GRIA1: variants seen among roughly 807,000 people sequenced by gnomAD.
GRIA1 encodes the protein glutamate receptor 1.
GRIA1 carries 31 observed loss-of-function variants against 99.2 expected under a neutral mutation model. The observed-to-expected ratio is 0.31, with a 90% CI of 0.23 to 0.42. The LOEUF (loss-of-function observed/expected upper bound fraction) is 0.42, where lower values mean the gene tolerates loss of function less well. Ranked by LOEUF, GRIA1 falls within the 10% of genes least tolerant of loss-of-function variation. The pLI, the probability that GRIA1 is intolerant of heterozygous loss-of-function variation, is 1.00. For missense variants in GRIA1, 782 were observed against 1,157.5 expected, an observed-to-expected ratio of 0.68 and a Z score of 4.71; for synonymous variants, 438 against 432.4, an observed-to-expected ratio of 1.01 and a Z score of -0.16.
At chr5:153,543,580 G>C (rs1470174098) in intron 2 of GRIA1, among the ~76,000 whole-genome samples, 1 of 152,118 alleles carries the variant, frequency 6.6e-6, no homozygotes, top group Non-Finnish European at 1.5e-5. Flanking sequence ...CTTGAATGAG[G>C]AAGGAAAGAA....
At chr5:153,802,327 C>T (rs538552131) in intron 14 of GRIA1, 29 bp from the exon 15 acceptor site, 117 of 1,611,396 alleles carry the variant, frequency 7.3e-5, no homozygotes, top group Non-Finnish European at 9.8e-5. Context: ...TCTTCCCCCT[C>T]CCCTTCCTTT....
At position 153,790,510 on chromosome 5, in the gene GRIA1, C is replaced by A. The variant is rs149316158; in HGVS notation, c.2271-4111C>A. 1.0e-3 allele frequency among the ~76,000 whole-genome samples: 152 copies of A among 152,192 alleles called. 4 individuals are homozygous for A. The East Asian group carries it at 0.027, about 27-fold the overall frequency. On this transcript the variant is annotated intron_variant, in intron 13 of 15. Transcript: ENST00000285900. ...CTGAAAGACATTGATTTTTCTAGAA[C>A]AGCACCTTCCAAACACCAGTCTGTG...
chr5:153,663,984 T>A (rs1755562238), intron 5 of GRIA1, among the ~76,000 whole-genome samples: 1 of 152,164 alleles, frequency 6.6e-6, no homozygotes, highest in African/African-American at 2.4e-5. Context: ...TGTAAGACAG[T>A]GACTATGATT....
chr5:153,716,550 G>A (rs1759679391), intron 11 of GRIA1, among the ~76,000 whole-genome samples: 1 of 152,114 alleles, frequency 6.6e-6, no homozygotes, highest in South Asian at 2.1e-4. Flanking sequence ...AGGGAGCAGA[G>A]GCGAGCACCC....
intron 1 of GRIA1, chr5:153,491,351 T>C: frequency 9.2e-7 from 1 of 1,084,274 alleles, no homozygotes; most frequent in South Asian, 3.5e-5. Context: ...GTATGGTGTG[T>C]GTGTTTTCAC....
chr5:153,603,003 C>T (rs147420006), intron 2 of GRIA1, among the ~76,000 whole-genome samples: 79 of 152,162 alleles, frequency 5.2e-4, no homozygotes, highest in African/African-American at 1.9e-3. Context: ...GGAAGATGAA[C>T]AGTATATAAC....
At chr5:153,626,122 C>A (rs1416918690) in intron 2 of GRIA1, among the ~76,000 whole-genome samples, 1 of 152,014 alleles carries the variant, frequency 6.6e-6, no homozygotes, top group Non-Finnish European at 1.5e-5. Flanking sequence ...CTCTGAAATG[C>A]GAATGAAAAA....
intron 2 of GRIA1, among the ~76,000 whole-genome samples, chr5:153,588,316 T>C (rs1176554911): frequency 6.6e-6 from 1 of 152,196 alleles, no homozygotes; most frequent in Non-Finnish European, 1.5e-5. Context: ...AGCACTGGGT[T>C]TGTGTGTATG....
chr5:153,763,064 A>AT (rs1197385976), intron 11 of GRIA1, among the ~76,000 whole-genome samples: 2 of 152,164 alleles, frequency 1.3e-5, no homozygotes, highest in Non-Finnish European at 1.5e-5. Context: ...CCTCTCTTTT[A>AT]TTTTCCCCTC....
At chr5:153,510,397 T>A (rs1755948496) in intron 2 of GRIA1, among the ~76,000 whole-genome samples, 1 of 152,196 alleles carries the variant, frequency 6.6e-6, no homozygotes, top group African/African-American at 2.4e-5. Flanking sequence ...GTGAGATGAC[T>A]TTGTTGATCC....
chr5:153,696,184 G>A (rs1399727798), intron 8 of GRIA1, among the ~76,000 whole-genome samples: 5 of 152,142 alleles, frequency 3.3e-5, no homozygotes, highest in South Asian at 2.1e-4. Context: ...CACTTTCCAC[G>A]TCTCGCTTTC....
At chr5:153,662,346 A>T (rs1755432265) in intron 5 of GRIA1, among the ~76,000 whole-genome samples, 1 of 152,198 alleles carries the variant, frequency 6.6e-6, no homozygotes, top group Non-Finnish European at 1.5e-5. Context: ...AAGCAACCTG[A>T]CCTTTTCTTC....
intron 11 of GRIA1, among the ~76,000 whole-genome samples, chr5:153,728,052 A>G (rs1456754147): frequency 1.3e-5 from 2 of 151,572 alleles, no homozygotes; most frequent in East Asian, 3.9e-4. Flanking sequence ...CCAATGGAAC[A>G]GAACAGAGCC....
intron 2 of GRIA1, among the ~76,000 whole-genome samples, chr5:153,546,779 T>C (rs771892729): frequency 6.6e-6 from 1 of 152,190 alleles, no homozygotes; most frequent in Non-Finnish European, 1.5e-5. Context: ...GTGGGTATGT[T>C]AATGTGAAGA....
chr5:153,625,751 T>C (rs1301997787), intron 2 of GRIA1, among the ~76,000 whole-genome samples: 1 of 152,236 alleles, frequency 6.6e-6, no homozygotes, highest in East Asian at 1.9e-4. Flanking sequence ...GAAGTTTCTA[T>C]AGCAACATTT....
intron 5 of GRIA1, among the ~76,000 whole-genome samples, chr5:153,668,734 A>G (rs1755930848): frequency 6.6e-6 from 1 of 152,218 alleles, no homozygotes; most frequent in African/African-American, 2.4e-5. Flanking sequence ...GGAAGCATCT[A>G]AAGACCCTTA....
At chr5:153,586,230 A>G (rs1156330768) in intron 2 of GRIA1, among the ~76,000 whole-genome samples, 1 of 152,160 alleles carries the variant, frequency 6.6e-6, no homozygotes, top group Non-Finnish European at 1.5e-5. Context: ...GAGGAACCTT[A>G]TTTGTTCTGG....
chr5:153,577,667 T>A (rs577840946), intron 2 of GRIA1, among the ~76,000 whole-genome samples: 1 of 152,134 alleles, frequency 6.6e-6, no homozygotes, highest in Non-Finnish European at 1.5e-5. Flanking sequence ...AGACCCAAGT[T>A]CAAAACTTAT....
At chr5:153,527,348 A>G (rs1757695576) in intron 2 of GRIA1, among the ~76,000 whole-genome samples, 1 of 152,202 alleles carries the variant, frequency 6.6e-6, no homozygotes, top group Non-Finnish European at 1.5e-5. Flanking sequence ...GTTACATCAT[A>G]TTAGGCAGAA....
Sources: gnomAD v4.1 joint callset for allele counts (sites outside exome capture counted in the v4.1 genomes callset) on GRCh38, gnomAD v4.1.1 for gene constraint, MANE v1.5 for transcripts, NCBI Gene and HGNC (gene_info 2026-07-23, HGNC 2026-07-21) for gene names.